TSBP1: variants seen among roughly 807,000 people sequenced by gnomAD.
TSBP1 encodes testis-expressed basic protein 1.
TSBP1 carries 56 observed loss-of-function variants against 68.8 expected under a neutral mutation model. That is an observed-to-expected ratio of 0.81 (90% confidence interval 0.66 to 1.02). The LOEUF (loss-of-function observed/expected upper bound fraction) is 1.02, where lower values mean the gene tolerates loss of function less well. TSBP1 is among the 50% of genes least tolerant of loss of function. TSBP1 has a pLI of 0.00. For synonymous variants in TSBP1, 171 were observed against 208.7 expected, an observed-to-expected ratio of 0.82 and a Z score of 1.56; for missense variants, 502 against 641.2, an observed-to-expected ratio of 0.78 and a Z score of 2.34.
chr6:32,370,407 GTATATATATATATATATA>G lies in TSBP1; in HGVS notation c.14-442_14-425del, dbSNP rs9279612. Among the ~76,000 whole-genome samples, 44 of 130,692 alleles carry G rather than the reference GTATATATATATATATATA, an allele frequency of 3.4e-4. 1 individual carries two copies. The highest frequency in any genetic ancestry group is 5.2e-4 in the African/African-American group (19 of 36,414). The allele number at this position is 130,692 out of a possible 152,430, so 85.7% of individuals were successfully genotyped here. On this transcript the variant is annotated intron_variant, in intron 1 of 22. Transcript: ENST00000612031. The stretch of plus-strand genomic sequence containing the variant: ...TACCTTTAAAGTTGCAAGATTTTCT[GTATATATATATATATATA>G]TATATATATATATATATATGGCTAT...
Position 32,292,759 on chromosome 6 carries a change from G to T in TSBP1, c.*222C>A. ...AGAAAGTATCCAGTCTTTCTTGACGGAATCATATACGTCTTAACTTATAAA... is the reference window on the plus strand; with the variant it reads ...AGAAAGTATCCAGTCTTTCTTGACGTAATCATATACGTCTTAACTTATAAA... On this transcript the variant is annotated 3_prime_UTR_variant, in exon 23 of 23. Transcript: ENST00000612031. The surrounding 1 kb of genome is among the most constrained non-coding windows in gnomAD (Gnocchi z 4.1). 2.1e-6 allele frequency: 1 copy of T among 480,334 alleles called. No individual in the cohort carries two copies. Among genetic ancestry groups the T allele is most frequent in the Non-Finnish European group, 3.6e-6 (1 of 276,536 alleles). 29.8% of individuals were successfully genotyped at this position (480,334 alleles called of 1,614,324 possible).
intron 16 of TSBP1, among the ~76,000 whole-genome samples, chr6:32,328,310 C>T (rs184170572): frequency 8.7e-4 from 132 of 151,726 alleles, no homozygotes; most frequent in Admixed American, 7.3e-3. Flanking sequence ...GGCAGTGACA[C>T]GATCTCGGCT....
In TSBP1 at chr6:32,316,853, C is replaced by T. The variant is rs1179803647; in HGVS notation, c.560-1061G>A. ...TTGGCTCACACCTGTAATCCCAGCA[C>T]TTTGGGAGGTCGAGGCAGGCGGATC... On this transcript the variant is annotated intron_variant, in intron 18 of 22. Coordinates refer to ENST00000612031, the Ensembl canonical transcript of TSBP1. This position sits in a 1 kb window ranked among gnomAD's most constrained non-coding sequence, Gnocchi z 4.5. Among the ~76,000 whole-genome samples, 1 of 152,036 alleles carries T rather than the reference C, an allele frequency of 6.6e-6. No homozygotes were observed. The highest frequency in any genetic ancestry group is 2.4e-5 in the African/African-American group (1 of 41,380).
rs1175716317 is a variant in TSBP1, at chr6:32,316,078, A to G, written c.560-286T>C. The stretch of plus-strand genomic sequence containing the variant: ...GGTATAGTCTCGGGTAGAGACTGCC[A>G]TATCTTTCTGTTTCCTTTGAATAGC... On this transcript the variant is annotated intron_variant, in intron 18 of 22. Transcript: ENST00000612031. The surrounding 1 kb of genome is among the most constrained non-coding windows in gnomAD (Gnocchi z 4.5). 6.6e-5 allele frequency among the ~76,000 whole-genome samples: 10 copies of G among 152,208 alleles called. No individual in the cohort carries two copies. The highest frequency in any genetic ancestry group is 1.3e-4 in the Non-Finnish European group (9 of 68,030).
chr6:32,364,849 G>A (rs1773478964), intron 6 of TSBP1, among the ~76,000 whole-genome samples: 1 of 152,096 alleles, frequency 6.6e-6, no homozygotes, highest in African/African-American at 2.4e-5. Flanking sequence ...CACATTTGAA[G>A]AAACAGTCAC....
At chr6:32,362,048 T>C (rs1773087773) in intron 6 of TSBP1, among the ~76,000 whole-genome samples, 1 of 151,942 alleles carries the variant, frequency 6.6e-6, no homozygotes, top group Admixed American at 6.6e-5. Context: ...CCCAGCACTT[T>C]GGGAGGCCGA....
chr6:32,296,238 C>T (rs1158918351), intron 22 of TSBP1, among the ~76,000 whole-genome samples: 3 of 145,552 alleles, frequency 2.1e-5, no homozygotes, highest in Non-Finnish European at 3.0e-5. Context: ...ATACACATAA[C>T]TTCAGAATTT....
chr6:32,305,926 C>T (rs1288513251), intron 19 of TSBP1, among the ~76,000 whole-genome samples: 1 of 152,174 alleles, frequency 6.6e-6, no homozygotes, highest in Non-Finnish European at 1.5e-5. Context: ...AGAACTGGCT[C>T]ACTTAATAAG....
intron 7 of TSBP1, 99 bp from the exon 8 acceptor site, chr6:32,355,243 T>A: frequency 7.8e-7 from 1 of 1,277,324 alleles, no homozygotes; most frequent in Non-Finnish European, 1.1e-6. Context: ...TTCTCAGGAG[T>A]TAAAGTCTAG....
chr6:32,360,818 G>GA (rs1772927057), intron 6 of TSBP1, among the ~76,000 whole-genome samples: 1 of 151,736 alleles, frequency 6.6e-6, no homozygotes, highest in Admixed American at 6.6e-5. Flanking sequence ...AGTCTTCTCT[G>GA]AAAAAATGTC....
chr6:32,340,200 T>A lies in TSBP1; in HGVS notation c.350-562A>T, dbSNP rs1341499552. Among the ~76,000 whole-genome samples, 1 of 152,214 alleles carries A rather than the reference T, an allele frequency of 6.6e-6. No homozygotes were observed. Among genetic ancestry groups the A allele is most frequent in the African/African-American group, 2.4e-5 (1 of 41,460 alleles). On this transcript the variant is annotated intron_variant, in intron 9 of 22. Transcript: ENST00000612031. This position sits in a 1 kb window ranked among gnomAD's most constrained non-coding sequence, Gnocchi z 4.8. ...TGTGTACCTTAGTACCTTAATTATG[T>A]CATTTTAATCTCTGTTGCTTCTGTC...
Position 32,340,340 on chromosome 6 carries a change from A to G in TSBP1, c.350-702T>C, listed in dbSNP as rs866059030. On this transcript the variant is annotated intron_variant, in intron 9 of 22. Coordinates refer to ENST00000612031, the Ensembl canonical transcript of TSBP1. The surrounding 1 kb of genome is among the most constrained non-coding windows in gnomAD (Gnocchi z 4.8). The stretch of plus-strand genomic sequence containing the variant: ...TATAATTATTTTTCGCTTATTTGTT[A>G]CTTTGCTGTTTTGGGGAGGGAAATA... 3.1e-4 allele frequency among the ~76,000 whole-genome samples: 47 copies of G among 151,992 alleles called. 1 individual carries two copies. Among genetic ancestry groups the G allele is most frequent in the African/African-American group, 1.1e-3 (46 of 41,454 alleles).
In TSBP1 at chr6:32,348,967, C is replaced by A. The variant is rs143977790; in HGVS notation, c.349+773G>T. On this transcript the variant is annotated intron_variant, in intron 9 of 22. Coordinates refer to ENST00000612031, the Ensembl canonical transcript of TSBP1. ...TCTTTATTCTTTAATCGGTGGACTT[C>A]TCATTCTTCGAAGTTCTCATTAATT... Among the ~76,000 whole-genome samples, 19 of 152,200 alleles carry A rather than the reference C, an allele frequency of 1.2e-4. No individual in the cohort carries two copies. The East Asian group carries it at 1.3e-3, about 11-fold the overall frequency.
Position 32,325,842 on chromosome 6 carries a change from T to C in TSBP1, c.515-2228A>G. On this transcript the variant is annotated intron_variant, in intron 16 of 22. Coordinates refer to ENST00000612031, the Ensembl canonical transcript of TSBP1. This position sits in a 1 kb window ranked among gnomAD's most constrained non-coding sequence, Gnocchi z 4.4. The stretch of plus-strand genomic sequence containing the variant: ...ACTTAGGTGGTGGTCATGGAGGTGG[T>C]TTCGGTGGGAATGACAACTTTGATC... The C allele has an allele frequency of 7.3e-7, 1 of 1,370,310 alleles. No homozygotes were observed. The highest frequency in any genetic ancestry group is 1.2e-5 in the South Asian group (1 of 86,116). The allele number at this position is 1,370,310 out of a possible 1,614,324, so 84.9% of individuals were successfully genotyped here.
At chr6:32,370,055 C>T in intron 1 of TSBP1, 72 bp from the exon 2 acceptor site, 1 of 914,148 alleles carries the variant, frequency 1.1e-6, no homozygotes, top group Non-Finnish European at 1.8e-6. Flanking sequence ...TTCTGATCAC[C>T]TCTTACTATC....
intron 16 of TSBP1, chr6:32,324,291 A>G (rs1767965161): frequency 6.3e-6 from 2 of 318,126 alleles, no homozygotes; most frequent in African/African-American, 2.1e-5. Flanking sequence ...CAGGAGGTTC[A>G]AATGAAAAAG....
chr6:32,349,760 G>A, exon 9 of TSBP1: 2 of 1,605,742 alleles, frequency 1.2e-6, no homozygotes, highest in East Asian at 4.5e-5. Flanking sequence ...TCGAGACAGT[G>A]CTAAAATAAA....
At chr6:32,324,801 A>T in intron 16 of TSBP1, 2 of 1,349,762 alleles carry the variant, frequency 1.5e-6, no homozygotes, top group Non-Finnish European at 2.0e-6. Flanking sequence ...TTTTAATCAA[A>T]GGCACTAGAA....
chr6:32,353,781 A>G (rs1771969631), intron 8 of TSBP1, among the ~76,000 whole-genome samples: 1 of 152,034 alleles, frequency 6.6e-6, no homozygotes, highest in African/African-American at 2.4e-5. Context: ...AAATCAGCAG[A>G]GAAAGAATGC....
Sources: gnomAD v4.1 joint callset for allele counts (sites outside exome capture counted in the v4.1 genomes callset) on GRCh38, gnomAD v4.1.1 for gene constraint, Gnocchi (gnomAD v3.1) non-coding constraint, MANE v1.5 for transcripts, NCBI Gene and HGNC (gene_info 2026-07-23, HGNC 2026-07-21) for gene names.